CREM: variants seen among roughly 807,000 people sequenced by gnomAD.
CREM encodes cAMP-responsive element modulator.
In CREM, 13 loss-of-function variants were observed where a neutral mutation model predicts 37.3. The observed-to-expected ratio is 0.35, with a 90% CI of 0.23 to 0.55. CREM has a LOEUF of 0.55. Ranked by LOEUF, CREM falls within the 20% of genes least tolerant of loss-of-function variation. The pLI is 0.88. For missense variants in CREM, 296 were observed against 362.3 expected (o/e 0.82, Z 1.49); for synonymous variants, 124 against 120.2 (o/e 1.03, Z -0.21).
At chr10:35,139,860 T>TTAA (rs926121326) in intron 2 of CREM, among the ~76,000 whole-genome samples, 2 of 152,224 alleles carry the variant, frequency 1.3e-5, no homozygotes, top group Non-Finnish European at 2.9e-5. Context: ...GATGTTAATG[T>TTAA]TGTATGTACA....
intron 6 of CREM, chr10:35,196,163 T>C (rs2095156916): frequency 2.6e-6 from 4 of 1,558,294 alleles, no homozygotes; most frequent in Non-Finnish European, 8.8e-7. Flanking sequence ...GATTATGTAT[T>C]GTATAAGCTG....
intron 6 of CREM, among the ~76,000 whole-genome samples, chr10:35,202,292 T>C (rs1385865855): frequency 6.6e-6 from 1 of 152,254 alleles, no homozygotes; most frequent in African/African-American, 2.4e-5. Context: ...TGGTGTCTTA[T>C]CTGCTTTAAA....
At chr10:35,132,674 A>G (rs2089652416) in intron 1 of CREM, among the ~76,000 whole-genome samples, 1 of 152,262 alleles carries the variant, frequency 6.6e-6, no homozygotes, top group Admixed American at 6.5e-5. Flanking sequence ...CATAAAGAGT[A>G]TAAGACCAAT....
chr10:35,132,443 G>GT, intron 1 of CREM, among the ~76,000 whole-genome samples: 1 of 152,270 alleles, frequency 6.6e-6, no homozygotes, highest in East Asian at 1.9e-4. Flanking sequence ...TTAGTAAAGA[G>GT]TTAAGATTAC....
chr10:35,130,809 T>C (rs952598095), intron 1 of CREM, among the ~76,000 whole-genome samples: 1 of 152,234 alleles, frequency 6.6e-6, no homozygotes, highest in Non-Finnish European at 1.5e-5. Context: ...AAGAGCAGTT[T>C]ACAATGTTCG....
intron 2 of CREM, among the ~76,000 whole-genome samples, chr10:35,138,568 C>T (rs2090960935): frequency 6.7e-6 from 1 of 149,556 alleles, no homozygotes; most frequent in Admixed American, 6.7e-5. Context: ...TCACTGTTAC[C>T]CAGGCTGGTG....
chr10:35,187,094 AT>A (rs2094625079), intron 5 of CREM, among the ~76,000 whole-genome samples: 6 of 55,340 alleles, frequency 1.1e-4, no homozygotes, highest in East Asian at 4.4e-4. Context: ...AATATATAAT[AT>A]ATATGATATA....
intron 6 of CREM, chr10:35,201,569 G>T (rs2095385979): frequency 9.2e-6 from 14 of 1,520,512 alleles, no homozygotes; most frequent in Non-Finnish European, 1.2e-5. Flanking sequence ...TGCAAAGAGA[G>T]ATATGTAGTT....
chr10:35,128,174 A>G (rs1589111860), intron 1 of CREM, among the ~76,000 whole-genome samples: 1 of 152,248 alleles, frequency 6.6e-6, no homozygotes, highest in South Asian at 2.1e-4. Flanking sequence ...TTTTATTTGT[A>G]TATCAGATAC....
intron 6 of CREM, among the ~76,000 whole-genome samples, chr10:35,202,501 A>G (rs567731315): frequency 2.0e-5 from 3 of 152,112 alleles, no homozygotes; most frequent in African/African-American, 4.8e-5. Context: ...AGTGATCCTC[A>G]TGCCTCAGCC....
intron 6 of CREM, among the ~76,000 whole-genome samples, chr10:35,188,717 T>C (rs1369208708): frequency 1.3e-5 from 2 of 150,620 alleles, no homozygotes; most frequent in East Asian, 1.9e-4. Context: ...TGGAGTACAA[T>C]GGCGTGATCT....
In CREM at chr10:35,179,363, T is replaced by A. The variant is rs180751485; in HGVS notation, c.409+87T>A. On this transcript the variant is annotated intron_variant, in intron 5 of 7. Transcript: ENST00000685392. ...AAGCAACTCAGGTTTTGGCATTAAATTGTTCCATTTTAAAATGCATCATTA... is the reference window on the plus strand; with the variant it reads ...AAGCAACTCAGGTTTTGGCATTAAAATGTTCCATTTTAAAATGCATCATTA... 51 of 1,479,064 alleles carry A rather than the reference T, an allele frequency of 3.4e-5. No homozygotes were observed. In the East Asian group the frequency reaches 1.2e-3, roughly 34 times the overall value. The allele number at this position is 1,479,064 out of a possible 1,614,324, so 91.6% of individuals were successfully genotyped here.
rs1390227683 is a variant in CREM, at chr10:35,211,450, G to T, written c.*52G>T. 6.3e-7 allele frequency: 1 copy of T among 1,583,806 alleles called. No individual in the cohort carries two copies. The highest frequency in any genetic ancestry group is 1.8e-5 in the Admixed American group (1 of 56,412). On this transcript the variant is annotated 3_prime_UTR_variant, in exon 8 of 8. Coordinates refer to ENST00000685392, the MANE Select transcript of CREM (RefSeq NM_183011.2). The stretch of plus-strand genomic sequence containing the variant: ...TCTAATCAAGGCAGGAGATGCAGCA[G>T]TCCTACTTATTGCCATGTGGACTTG...
chr10:35,188,346 A>C lies in CREM; in HGVS notation c.556A>C (p.Thr186Pro), dbSNP rs138996737. ...VQYAAQSADG[T>P]QQFFVPGSQV... ...GTACGCAGCACAATCAGCTGATGGC[A>C]CACAGCAGTTCTTTGTCCCAGGCAG... The change falls in exon 6 of 8, where the codon ACA becomes CCA. Residue 186 changes from threonine to proline, a missense_variant. Physicochemically the swap from Thr to Pro is conservative, Grantham distance 38. Transcript: ENST00000685392. 1.2e-4 allele frequency: 198 copies of C among 1,613,664 alleles called. 1 individual carries two copies. In the African/African-American group the frequency reaches 2.3e-3, roughly 19 times the overall value.
Position 35,194,767 on chromosome 10 carries a change from T to A in CREM, c.598+6379T>A, listed in dbSNP as rs1346264204. On this transcript the variant is annotated intron_variant, in intron 6 of 7. Transcript: ENST00000685392. ...TTTTTTTTTTTTTTAAATCTCCAAG[T>A]GTTTTTTCTCTTATGAGTTAGGAAA... is the stretch of plus-strand genomic sequence containing the variant. 2.6e-5 allele frequency among the ~76,000 whole-genome samples: 4 copies of A among 151,760 alleles called. No individual in the cohort carries two copies. The East Asian group carries it at 7.7e-4, about 29-fold the overall frequency.
Position 35,188,266 on chromosome 10 carries a change from A to G in CREM, c.476A>G (p.Gln159Arg). The G allele has an allele frequency of 6.2e-7, 1 of 1,614,208 alleles. No individual in the cohort carries two copies. The highest frequency in any genetic ancestry group is 1.3e-5 in the African/African-American group (1 of 75,060). Reference sequence around the variant, plus strand: ...GGATCTGATGGTGTTCAGGGACTGCAGGCATTAACAATGACAAATTCAGGA... The same window carrying G: ...GGATCTGATGGTGTTCAGGGACTGCGGGCATTAACAATGACAAATTCAGGA... The part of the protein sequence containing the change: ...NPGSDGVQGL[Q>R]ALTMTNSGAP... The change falls in exon 6 of 8, where the codon CAG becomes CGG. Residue 159 changes from glutamine (Q) to arginine (R), a missense_variant. Physicochemically the swap from Gln to Arg is conservative, Grantham distance 43. This residue lies in a region of CREM where 257 missense variants were observed against 280.2 expected (regional missense o/e 0.92). Coordinates refer to ENST00000685392, the MANE Select transcript of CREM (RefSeq NM_183011.2).
At chr10:35,179,043 T>A in intron 4 of CREM, 57 bp downstream of exon 4, 1 of 1,544,354 alleles carries the variant, frequency 6.5e-7, no homozygotes, top group Non-Finnish European at 8.8e-7. Flanking sequence ...GTAGAATAAT[T>A]ATACATCAAA....
chr10:35,157,021 C>G (rs2092957412), intron 3 of CREM, among the ~76,000 whole-genome samples: 1 of 152,094 alleles, frequency 6.6e-6, no homozygotes, highest in African/African-American at 2.4e-5. Context: ...CCAAATTCAA[C>G]AACATATTAA....
In CREM at chr10:35,178,993, TA is replaced by T; in HGVS notation, c.266+9del. 6.3e-7 allele frequency: 1 copy of T among 1,592,254 alleles called. No individual in the cohort carries two copies. The highest frequency in any genetic ancestry group is 8.5e-7 in the Non-Finnish European group (1 of 1,171,120). On this transcript the variant is annotated splice_region_variant and intron_variant, in intron 4 of 7. Transcript: ENST00000685392. ...CACGAAGACCCTCTTATAGGTAAGT[TA>T]ACCAAGTTTCCTAATGTAAAGATAC...
Sources: allele counts gnomAD v4.1 joint callset (sites outside exome capture counted in the v4.1 genomes callset), GRCh38; gene constraint gnomAD v4.1.1; regional missense constraint gnomAD v4.1.1; transcripts MANE v1.5; gene names NCBI Gene and HGNC (gene_info 2026-07-23, HGNC 2026-07-21).